ASMTL: variants seen among roughly 807,000 people sequenced by gnomAD.
The protein encoded by ASMTL is probable bifunctional dTTP/UTP pyrophosphatase/methyltransferase protein.
A neutral mutation model predicts 60.3 loss-of-function variants in ASMTL; 57 were observed. The observed-to-expected ratio is 0.95, with a 90% CI of 0.76 to 1.18. The LOEUF is 1.18. Among genes scored for constraint, ASMTL ranks in the 50% most tolerant of loss-of-function variants. ASMTL has a pLI of 0.00. For synonymous variants in ASMTL, 419 were observed against 373.0 expected (o/e 1.12, Z -1.42); for missense variants, 981 against 852.6 (o/e 1.15, Z -1.88).
rs778295468 is a variant in ASMTL at position 1,432,604 on chromosome X, T to A, written c.401-227A>T. Among the ~76,000 whole-genome samples, 57 of 151,764 alleles carry A rather than the reference T, an allele frequency of 3.8e-4. 1 individual carries two copies. Among genetic ancestry groups the A allele is most frequent in the Admixed American group, 7.9e-4 (12 of 15,238 alleles). ...CAGCACCTTGGGAGGCCGAGGCGGG[T>A]GGATCACGAGGTCAGGAGTTCGAGA... On this transcript the variant is annotated intron_variant, in intron 5 of 12. Transcript: ENST00000381317.
Position 1,436,298 on chromosome X carries a change from C to T in ASMTL, c.274-540G>A, listed in dbSNP as rs185468501. 2.1e-3 allele frequency among the ~76,000 whole-genome samples: 313 copies of T among 152,094 alleles called. 1 individual carries two copies. The highest frequency in any genetic ancestry group is 7.2e-3 in the African/African-American group (299 of 41,384). On this transcript the variant is annotated intron_variant, in intron 3 of 12. Transcript: ENST00000381317. ...AAGTGATTCTCCTGCCTCAGCCTCC[C>T]GAGTTGCTGGGAATACAGGTGCACA... is the stretch of plus-strand genomic sequence containing the variant.
chrX:1,442,132 C>G, intron 2 of ASMTL, 54 bp downstream of exon 2: 1 of 1,592,110 alleles, frequency 6.3e-7, no homozygotes, highest in Non-Finnish European at 8.6e-7. Flanking sequence ...CCCGCAAATC[C>G]CCTCATCACA....
intron 2 of ASMTL, among the ~76,000 whole-genome samples, chrX:1,441,129 G>C (rs2091096955): frequency 6.6e-6 from 1 of 151,722 alleles, no homozygotes; most frequent in African/African-American, 2.4e-5. Context: ...TTACTTAGTG[G>C]CATGGTAATA....
intron 1 of ASMTL, among the ~76,000 whole-genome samples, chrX:1,445,600 C>T (rs1395298615): frequency 1.3e-5 from 2 of 152,016 alleles, no homozygotes; most frequent in Non-Finnish European, 2.9e-5. Flanking sequence ...TCAAGTTGCA[C>T]CTCTCATTGT....
chrX:1,432,777 C>G (rs1274191571), intron 5 of ASMTL, among the ~76,000 whole-genome samples: 2 of 152,040 alleles, frequency 1.3e-5, no homozygotes, highest in African/African-American at 2.4e-5. Flanking sequence ...TGCAGTGAGC[C>G]GAGATCGCGC....
At chrX:1,443,069 TCGTCGTGGACACACACTGC>T (rs1569534682) in intron 1 of ASMTL, among the ~76,000 whole-genome samples, 3 of 82,370 alleles carry the variant, frequency 3.6e-5, no homozygotes, top group Non-Finnish European at 7.6e-5. Flanking sequence ...ACACACACCG[TCGTCGTGGACACACACTGC>T]CATCTGGGAC....
chrX:1,452,630 C>T (rs2091425876), intron 1 of ASMTL, 118 bp downstream of exon 1: 4 of 805,766 alleles, frequency 5.0e-6, no homozygotes, highest in Non-Finnish European at 7.7e-6. Context: ...CCTCCCCCAT[C>T]CCTAAGGGTC....
rs190081690 is a variant in ASMTL, at chrX:1,415,518, T to G, written c.1522+2455A>C. ...TTCGCTCTTGTTGCCCAGGCTGGAG[T>G]GCAGTGGTGAGATCTCAGCTCACTG... On this transcript the variant is annotated intron_variant, in intron 11 of 12. Coordinates refer to ENST00000381317, the MANE Select transcript of ASMTL (RefSeq NM_004192.4). 2.0e-3 allele frequency among the ~76,000 whole-genome samples: 293 copies of G among 149,344 alleles called. 3 individuals carry two copies. The highest frequency in any genetic ancestry group is 2.8e-4 in the Non-Finnish European group (19 of 67,572).
chrX:1,424,865 CCCATCCAT>C (rs1185160166), intron 8 of ASMTL, among the ~76,000 whole-genome samples: 4 of 134,426 alleles, frequency 3.0e-5, no homozygotes, highest in South Asian at 2.9e-4. Context: ...CACCCACCCA[CCCATCCAT>C]CCACCCATCC....
At chrX:1,420,480 C>A (rs1226248884) in intron 9 of ASMTL, among the ~76,000 whole-genome samples, 1 of 152,216 alleles carries the variant, frequency 6.6e-6, no homozygotes, top group Non-Finnish European at 1.5e-5. Flanking sequence ...CACCCTGACT[C>A]CGTGCTCACT....
chrX:1,436,758 T>C (rs1483132306), intron 3 of ASMTL, among the ~76,000 whole-genome samples: 2 of 152,232 alleles, frequency 1.3e-5, no homozygotes, highest in African/African-American at 4.8e-5. Context: ...TTCTGCCTTT[T>C]AGCTGTTGTG....
chrX:1,415,709 G>C (rs28375391), intron 11 of ASMTL, among the ~76,000 whole-genome samples: 1 of 151,958 alleles, frequency 6.6e-6, no homozygotes. Context: ...CAGGGGATCC[G>C]CCCGCCTCAG....
Position 1,406,519 on chromosome X carries a change from C to G in ASMTL, c.1646-3030G>C, listed in dbSNP as rs181294025. On this transcript the variant is annotated intron_variant, in intron 12 of 12. Coordinates refer to ENST00000381317, the MANE Select transcript of ASMTL (RefSeq NM_004192.4). The stretch of plus-strand genomic sequence containing the variant: ...GATGGATGTATGGATGTGATGGATG[C>G]TTGAATAGATGGTAGATGATGGGTA... 4.0e-3 allele frequency among the ~76,000 whole-genome samples: 520 copies of G among 130,566 alleles called. 3 individuals carry two copies. Among genetic ancestry groups the G allele is most frequent in the African/African-American group, 0.015 (493 of 33,646 alleles). 85.7% of individuals were successfully genotyped at this position (130,566 alleles called of 152,430 possible).
chrX:1,403,937 G>A (rs1203273231), intron 12 of ASMTL, among the ~76,000 whole-genome samples: 1 of 151,982 alleles, frequency 6.6e-6, no homozygotes, highest in African/African-American at 2.4e-5. Context: ...GGTAGATGAT[G>A]GGTAGGTAGG....
intron 9 of ASMTL, 34 bp downstream of exon 9, chrX:1,421,624 A>G (rs779333714): frequency 2.8e-5 from 45 of 1,612,320 alleles, no homozygotes; most frequent in Non-Finnish European, 3.8e-5. Context: ...AATGCACGCT[A>G]GACGGAAAGG....
chrX:1,433,025 G>C (rs1298221429), intron 5 of ASMTL, among the ~76,000 whole-genome samples: 3 of 152,204 alleles, frequency 2.0e-5, no homozygotes, highest in Non-Finnish European at 1.5e-5. Flanking sequence ...TTGAACCCGG[G>C]AGGCGGAGGT....
At chrX:1,411,243 G>GAT (rs2090008526) in intron 12 of ASMTL, among the ~76,000 whole-genome samples, 1 of 150,744 alleles carries the variant, frequency 6.6e-6, no homozygotes, top group Non-Finnish European at 1.5e-5. Context: ...GACAGAGGGA[G>GAT]AGAAGAATGG....
At chrX:1,445,831 G>C (rs1490576393) in intron 1 of ASMTL, among the ~76,000 whole-genome samples, 2 of 152,164 alleles carry the variant, frequency 1.3e-5, no homozygotes, top group Non-Finnish European at 2.9e-5. Context: ...GCCATACAGA[G>C]ATAGGAGCTG....
chrX:1,448,585 T>A (rs1424311423), intron 1 of ASMTL, among the ~76,000 whole-genome samples: 2 of 146,838 alleles, frequency 1.4e-5, no homozygotes, highest in Non-Finnish European at 3.0e-5. Context: ...ACACACACCA[T>A]CTTGGACACA....
Sources: gnomAD v4.1 joint callset for allele counts (sites outside exome capture counted in the v4.1 genomes callset) on GRCh38, gnomAD v4.1.1 for gene constraint, MANE v1.5 for transcripts, NCBI Gene and HGNC (gene_info 2026-07-23, HGNC 2026-07-21) for gene names.